MON2: variants seen among roughly 807,000 people sequenced by gnomAD.
The protein encoded by MON2 is MON2 regulator of endosome-to-Golgi trafficking.
Under a neutral mutation model 208.6 loss-of-function variants are expected in MON2, and 84 were observed. That is an observed-to-expected ratio of 0.40 (90% confidence interval 0.34 to 0.48). The LOEUF (loss-of-function observed/expected upper bound fraction) is 0.48, where lower values mean the gene tolerates loss of function less well. MON2 is among the 20% of genes least tolerant of loss of function. The pLI, the probability that MON2 is intolerant of heterozygous loss-of-function variation, is 0.59. For missense variants in MON2, 1,611 were observed against 2,015.4 expected (o/e 0.80, Z 3.84); for synonymous variants, 660 against 694.0 (o/e 0.95, Z 0.77).
At chr12:62,472,352 A>G (rs1349736841) in intron 1 of MON2, among the ~76,000 whole-genome samples, 1 of 152,216 alleles carries the variant, frequency 6.6e-6, no homozygotes, top group Non-Finnish European at 1.5e-5. Flanking sequence ...GTAGAAGAGT[A>G]AAGGGAAAGA....
intron 34 of MON2, among the ~76,000 whole-genome samples, chr12:62,590,245 C>T (rs2075355300): frequency 6.6e-6 from 1 of 152,002 alleles, no homozygotes; most frequent in Non-Finnish European, 1.5e-5. Flanking sequence ...TACGTGCCAC[C>T]ACACTCTGCT....
At chr12:62,473,483 T>C (rs1189730873) in intron 1 of MON2, among the ~76,000 whole-genome samples, 1 of 152,244 alleles carries the variant, frequency 6.6e-6, no homozygotes, top group African/African-American at 2.4e-5. Flanking sequence ...TTGGTTATTC[T>C]TTCCATCTTG....
rs773797285 is a variant in MON2, at chr12:62,508,457, A to G, written c.961A>G (p.Ile321Val). Residue 321 changes from isoleucine (I) to valine (V), a missense_variant, in exon 8 of 35, where the codon ATT becomes GTT. Coordinates refer to ENST00000393630, the MANE Select transcript of MON2 (RefSeq NM_015026.3). ...TTTGCTGAGAGTAGTATCTGTTCTG[A>G]TTAAGCAGTTTTACAGTCTTTTGGT... ...MRLLRVVSVL[I>V]KQFYSLLVTE... 6.2e-7 allele frequency: 1 copy of G among 1,614,056 alleles called. No homozygotes were observed. Among genetic ancestry groups the G allele is most frequent in the Admixed American group, 1.7e-5 (1 of 60,028 alleles).
chr12:62,550,832 C>T (rs1161128016), intron 23 of MON2, among the ~76,000 whole-genome samples: 4 of 151,488 alleles, frequency 2.6e-5, no homozygotes, highest in African/African-American at 7.3e-5. Context: ...AATCTTGTAG[C>T]TGGTTTGACC....
chr12:62,589,002 G>T, intron 34 of MON2: 1 of 769,996 alleles, frequency 1.3e-6, no homozygotes. Flanking sequence ...AATTATGCAT[G>T]TACATGACTC....
chr12:62,480,479 T>C (rs1420719894), intron 1 of MON2, among the ~76,000 whole-genome samples: 1 of 152,118 alleles, frequency 6.6e-6, no homozygotes, highest in Non-Finnish European at 1.5e-5. Flanking sequence ...GATGGATGGA[T>C]TGCTTGAGCC....
At position 62,592,885 on chromosome 12, in the gene MON2, C is replaced by A; in HGVS notation, c.*136C>A. Reference sequence around the variant, plus strand: ...GTTGGCCTCCTTTAAATTCTACTTACCTGAGTTCAGTAATTCATATTACAG... The same window carrying A: ...GTTGGCCTCCTTTAAATTCTACTTAACTGAGTTCAGTAATTCATATTACAG... On this transcript the variant is annotated 3_prime_UTR_variant, in exon 35 of 35. Transcript: ENST00000393630. The A allele has an allele frequency of 1.2e-6, 1 of 823,380 alleles. No homozygotes were observed. The highest frequency in any genetic ancestry group is 1.8e-6 in the Non-Finnish European group (1 of 550,544). 51.0% of individuals were successfully genotyped at this position (823,380 alleles called of 1,614,324 possible). A position where few individuals can be genotyped will look rare whatever the true frequency, so the allele number is the denominator to read the frequency against.
intron 26 of MON2, 83 bp downstream of exon 26, chr12:62,561,196 AT>A: frequency 1.8e-6 from 2 of 1,127,180 alleles, no homozygotes; most frequent in Non-Finnish European, 2.5e-6. Flanking sequence ...GCGGGGATAA[AT>A]TTTAGATCAT....
intron 8 of MON2, 146 bp downstream of exon 8, chr12:62,508,626 A>C (rs2071230162): frequency 7.8e-6 from 5 of 641,082 alleles, no homozygotes; most frequent in Non-Finnish European, 1.4e-5. Flanking sequence ...GGTACTCTAA[A>C]GGTTTGTTCT....
chr12:62,546,754 T>C, intron 21 of MON2, 143 bp from the exon 22 acceptor site: 1 of 634,530 alleles, frequency 1.6e-6, no homozygotes, highest in Non-Finnish European at 2.4e-6. Flanking sequence ...GAGACTCCAT[T>C]TCAAAAAAAA....
At chr12:62,508,992 T>C (rs1256878563) in intron 8 of MON2, 1 of 152,586 alleles carries the variant, frequency 6.6e-6, no homozygotes, top group African/African-American at 2.4e-5. Flanking sequence ...ATTTATGTAA[T>C]GCTTTAGTCG....
At chr12:62,500,722 G>A in intron 5 of MON2, 61 bp from the exon 6 acceptor site, 1 of 741,028 alleles carries the variant, frequency 1.3e-6, no homozygotes, top group Non-Finnish European at 2.2e-6. Flanking sequence ...CTTTTAAACA[G>A]AATATATAAT....
intron 30 of MON2, among the ~76,000 whole-genome samples, chr12:62,573,597 T>C (rs1046108419): frequency 6.6e-6 from 1 of 151,650 alleles, no homozygotes; most frequent in Non-Finnish European, 1.5e-5. Context: ...TAATAATATT[T>C]TATATAATTT....
In MON2 at chr12:62,596,022, A is replaced by G. The variant is rs2075521204; in HGVS notation, c.*3273A>G. On this transcript the variant is annotated 3_prime_UTR_variant, in exon 35 of 35. Coordinates refer to ENST00000393630, the MANE Select transcript of MON2 (RefSeq NM_015026.3). ...TTATTTCTACAGCAGGCCAGTAACA[A>G]CTAGATTATTTGTCCTTTCTCAGTA... is the stretch of plus-strand genomic sequence containing the variant. 1 of 152,226 alleles carries G rather than the reference A, an allele frequency of 6.6e-6. No homozygotes were observed. Among genetic ancestry groups the G allele is most frequent in the African/African-American group, 2.4e-5 (1 of 41,460 alleles). 9.4% of individuals were successfully genotyped at this position (152,226 alleles called of 1,614,324 possible). A position where few individuals can be genotyped will look rare whatever the true frequency, so the allele number is the denominator to read the frequency against.
intron 1 of MON2, among the ~76,000 whole-genome samples, chr12:62,469,710 G>C (rs980285002): frequency 6.6e-6 from 1 of 151,932 alleles, no homozygotes; most frequent in African/African-American, 2.4e-5. Context: ...CCAGATTTTG[G>C]CTTTTGTTCT....
intron 30 of MON2, 125 bp downstream of exon 30, chr12:62,571,707 A>G: frequency 1.3e-6 from 1 of 769,310 alleles, no homozygotes; most frequent in East Asian, 2.8e-5. Context: ...ATTGTATTAA[A>G]AACACACCTG....
chr12:62,518,659 C>T (rs1027519387), intron 8 of MON2, among the ~76,000 whole-genome samples: 37 of 152,046 alleles, frequency 2.4e-4, no homozygotes, highest in Non-Finnish European at 3.8e-4. Flanking sequence ...GGACAAATGA[C>T]AGCACAGCCA....
intron 8 of MON2, among the ~76,000 whole-genome samples, chr12:62,519,212 C>T (rs1056051276): frequency 1.3e-5 from 2 of 152,140 alleles, no homozygotes; most frequent in African/African-American, 4.8e-5. Flanking sequence ...GCACTGGGGA[C>T]GCCCTGGCTG....
At chr12:62,565,008 A>C in intron 26 of MON2, 1 of 388,314 alleles carries the variant, frequency 2.6e-6, no homozygotes, top group Non-Finnish European at 4.5e-6. Flanking sequence ...CTTTTAAGAA[A>C]TAAATCACAC....
Sources: allele counts gnomAD v4.1 joint callset (sites outside exome capture counted in the v4.1 genomes callset), GRCh38; gene constraint gnomAD v4.1.1; transcripts MANE v1.5; gene names NCBI Gene and HGNC (gene_info 2026-07-23, HGNC 2026-07-21).